Variants in LSM12 observed in about 807,000 individuals in gnomAD.
LSM12 encodes LSM12 homolog.
For missense variants in LSM12, 108 were observed against 238.9 expected, an observed-to-expected ratio of 0.45 and a Z score of 3.61; for synonymous variants, 74 against 87.3, an observed-to-expected ratio of 0.85 and a Z score of 0.85.
intron 2 of LSM12, among the ~76,000 whole-genome samples, chr17:44,057,654 G>A (rs946498661): frequency 1.1e-4 from 16 of 151,570 alleles, no homozygotes; most frequent in East Asian, 6.0e-4. Context: ...CAGCTACTCC[G>A]GAGGCTGAGG....
At chr17:44,052,685 G>C (rs556126739) in intron 2 of LSM12, among the ~76,000 whole-genome samples, 1 of 151,940 alleles carries the variant, frequency 6.6e-6, no homozygotes, top group African/African-American at 2.4e-5. Flanking sequence ...CTTGAACCCG[G>C]GAGGTGGAGG....
intron 2 of LSM12, among the ~76,000 whole-genome samples, chr17:44,043,176 C>T (rs1046204654): frequency 1.3e-5 from 2 of 152,218 alleles, no homozygotes; most frequent in Non-Finnish European, 2.9e-5. Context: ...GAGGAGCAGG[C>T]GTGAGCACAG....
intron 2 of LSM12, among the ~76,000 whole-genome samples, chr17:44,057,386 G>A (rs1225412043): frequency 6.7e-6 from 1 of 149,630 alleles, no homozygotes; most frequent in African/African-American, 2.5e-5. Context: ...CTGACCTCGT[G>A]ATCCGCCCGC....
At chr17:44,038,055 GAC>G (rs2049437880) in intron 3 of LSM12, among the ~76,000 whole-genome samples, 1 of 152,064 alleles carries the variant, frequency 6.6e-6, no homozygotes, top group Non-Finnish European at 1.5e-5. Context: ...CCTTTAGAAA[GAC>G]AGGAGAACAG....
chr17:44,043,629 T>G (rs2049524562), intron 2 of LSM12, among the ~76,000 whole-genome samples: 1 of 147,598 alleles, frequency 6.8e-6, no homozygotes, highest in Non-Finnish European at 1.5e-5. Context: ...CACTGCAACC[T>G]AAGGAGGAGT....
chr17:44,058,774 G>A (rs2049756043), intron 2 of LSM12, among the ~76,000 whole-genome samples: 3 of 152,138 alleles, frequency 2.0e-5, no homozygotes, highest in Admixed American at 2.0e-4. Context: ...AGAGGTTGCA[G>A]TGAGCCGAGA....
At chr17:44,041,521 C>G (rs1352697993) in intron 2 of LSM12, among the ~76,000 whole-genome samples, 1 of 152,160 alleles carries the variant, frequency 6.6e-6, no homozygotes, top group East Asian at 1.9e-4. Flanking sequence ...TAAATCTAAC[C>G]ATAAACGCTG....
chr17:44,066,746 G>C (rs2049886339), upstream of LSM12: 1 of 883,974 alleles, frequency 1.1e-6, no homozygotes, highest in Non-Finnish European at 1.5e-6. Flanking sequence ...AGGTGGAGTG[G>C]GAAAGAAGAG....
intron 2 of LSM12, among the ~76,000 whole-genome samples, chr17:44,046,267 G>T (rs897692569): frequency 6.6e-6 from 1 of 151,844 alleles, no homozygotes; most frequent in Non-Finnish European, 1.5e-5. Flanking sequence ...AAAAGATTTT[G>T]CTTTTTAAAA....
chr17:44,044,335 T>C (rs1485672815), intron 2 of LSM12, among the ~76,000 whole-genome samples: 2 of 151,922 alleles, frequency 1.3e-5, no homozygotes, highest in Admixed American at 6.6e-5. Context: ...GATTTCAAAA[T>C]ACACCCCCCA....
In LSM12 at chr17:44,063,757, T is replaced by C. The variant is rs779493078; in HGVS notation, c.258+44A>G. 3 of 1,581,296 alleles carry C rather than the reference T, an allele frequency of 1.9e-6. No individual in the cohort carries two copies. The Admixed American group carries it at 5.4e-5, about 29-fold the overall frequency. On this transcript the variant is annotated intron_variant, in intron 2 of 4. Coordinates refer to ENST00000293406, the MANE Select transcript of LSM12 (RefSeq NM_001371445.1). ...TCACTAAGACTCAATGAGACTCATC[T>C]TTCCCACCATTTTAGAGAGCCAGAT... is the stretch of plus-strand genomic sequence containing the variant.
chr17:44,055,903 T>C (rs975249722), intron 2 of LSM12, among the ~76,000 whole-genome samples: 13 of 151,870 alleles, frequency 8.6e-5, no homozygotes, highest in African/African-American at 2.9e-4. Flanking sequence ...AGGGTTATAC[T>C]GAATTTTAAC....
chr17:44,066,326 G>T, intron 1 of LSM12, 138 bp downstream of exon 1: 1 of 1,130,030 alleles, frequency 8.8e-7, no homozygotes, highest in Non-Finnish European at 1.2e-6. Context: ...TCAGGGCCGT[G>T]CGCATGCGCC....
intron 2 of LSM12, among the ~76,000 whole-genome samples, chr17:44,053,997 T>C (rs962348293): frequency 9.9e-5 from 15 of 152,118 alleles, no homozygotes; most frequent in Admixed American, 6.6e-4. Flanking sequence ...ACGTCAAGGG[T>C]AGGGTGCAGA....
intron 2 of LSM12, among the ~76,000 whole-genome samples, chr17:44,051,038 C>G (rs2049636530): frequency 6.6e-6 from 1 of 152,080 alleles, no homozygotes; most frequent in African/African-American, 2.4e-5. Flanking sequence ...CTTTGGGAGG[C>G]TGAGGTGGGC....
intron 2 of LSM12, among the ~76,000 whole-genome samples, chr17:44,044,605 A>C (rs976785455): frequency 6.6e-6 from 1 of 152,218 alleles, no homozygotes; most frequent in African/African-American, 2.4e-5. Context: ...TTTACCAGGA[A>C]GCTGTACAAA....
intron 2 of LSM12, among the ~76,000 whole-genome samples, chr17:44,061,371 T>A (rs1429874063): frequency 6.6e-6 from 1 of 152,002 alleles, no homozygotes; most frequent in African/African-American, 2.4e-5. Context: ...GTCTTAAAAT[T>A]TCATGAGCTT....
At position 44,057,196 on chromosome 17, in the gene LSM12, C is replaced by T. The variant is rs575046739; in HGVS notation, c.258+6605G>A. 9.6e-5 allele frequency among the ~76,000 whole-genome samples: 14 copies of T among 145,826 alleles called. No homozygotes were observed. In the East Asian group the frequency reaches 3.4e-3, roughly 36 times the overall value. On this transcript the variant is annotated intron_variant, in intron 2 of 4. Transcript: ENST00000293406. ...ACGGAGTCTCGCTCTGTCTCCCAGGCTGGAGTGCAGTGGCGCGATCTCAGC... is the reference window on the plus strand; with the variant it reads ...ACGGAGTCTCGCTCTGTCTCCCAGGTTGGAGTGCAGTGGCGCGATCTCAGC...
intron 2 of LSM12, among the ~76,000 whole-genome samples, chr17:44,057,773 GTAATAA>G (rs544382507): frequency 6.7e-6 from 1 of 150,120 alleles, no homozygotes; most frequent in Non-Finnish European, 1.5e-5. Context: ...AAAAAACAAA[GTAATAA>G]TAATAATAAT....
Sources: allele counts gnomAD v4.1 joint callset (sites outside exome capture counted in the v4.1 genomes callset), GRCh38; gene constraint gnomAD v4.1.1; transcripts MANE v1.5; gene names NCBI Gene and HGNC (gene_info 2026-07-23, HGNC 2026-07-21).